The following NRXN3 variants were observed in gnomAD, a reference collection of about 807,000 sequenced individuals.
NRXN3 encodes the protein neurexin III.
A neutral mutation model predicts 137.6 loss-of-function variants in NRXN3; 32 were observed. The observed-to-expected ratio is 0.23, with a 90% CI of 0.18 to 0.31. The LOEUF is 0.31. Among genes scored for constraint, NRXN3 ranks in the 10% least tolerant of loss-of-function variants. The pLI is 1.00. For missense variants in NRXN3, 1,574 were observed against 2,062.5 expected (o/e 0.76, Z 4.59); for synonymous variants, 798 against 784.5 (o/e 1.02, Z -0.29).
At chr14:78,174,874 A>G (rs575610990) in intron 1 of NRXN3, among the ~76,000 whole-genome samples, 4 of 152,288 alleles carry the variant, frequency 2.6e-5, no homozygotes, top group Admixed American at 2.6e-4. Flanking sequence ...GGGCGGATAC[A>G]GATTGAAGGG....
chr14:79,243,030 CA>C (rs1238515774), intron 15 of NRXN3, among the ~76,000 whole-genome samples: 1 of 152,072 alleles, frequency 6.6e-6, no homozygotes, highest in African/African-American at 2.4e-5. Flanking sequence ...ACCATTTATT[CA>C]ATTGGCCTTT....
chr14:79,788,284 A>G (rs558645402), intron 19 of NRXN3, among the ~76,000 whole-genome samples: 1 of 152,290 alleles, frequency 6.6e-6, no homozygotes, highest in Non-Finnish European at 1.5e-5. Flanking sequence ...GATTATCGCA[A>G]TTCAAGGTGA....
At chr14:79,268,674 G>A (rs1450469274) in intron 15 of NRXN3, among the ~76,000 whole-genome samples, 4 of 152,180 alleles carry the variant, frequency 2.6e-5, no homozygotes, top group Non-Finnish European at 5.9e-5. Context: ...CAACAGAATA[G>A]TAATGCCATT....
At chr14:79,008,685 GT>G (rs1313156903) in intron 15 of NRXN3, among the ~76,000 whole-genome samples, 2 of 137,444 alleles carry the variant, frequency 1.5e-5, no homozygotes, top group Non-Finnish European at 3.0e-5. Flanking sequence ...TTTTGACAGA[GT>G]TTCGCTCTTT....
intron 6 of NRXN3, among the ~76,000 whole-genome samples, chr14:78,684,668 C>G (rs1300361633): frequency 1.3e-5 from 2 of 152,134 alleles, no homozygotes; most frequent in African/African-American, 2.4e-5. Context: ...GTGGAATACA[C>G]CTGTAGTCCC....
intron 4 of NRXN3, among the ~76,000 whole-genome samples, chr14:78,585,397 TG>T (rs1279625776): frequency 6.6e-6 from 1 of 151,982 alleles, no homozygotes; most frequent in Non-Finnish European, 1.5e-5. Flanking sequence ...GGCCAGAGAA[TG>T]GAAGGTTTGG....
intron 4 of NRXN3, among the ~76,000 whole-genome samples, chr14:78,429,246 T>TATATATATATATATA (rs59488018): frequency 3.1e-4 from 47 of 151,172 alleles, no homozygotes; most frequent in African/African-American, 1.1e-3. Flanking sequence ...ATATATATAT[T>TATATATATATATATA]TTTTGTATAT....
At chr14:78,703,795 C>G (rs1594928346) in intron 6 of NRXN3, 1 of 152,326 alleles carries the variant, frequency 6.6e-6, no homozygotes, top group East Asian at 1.9e-4. Flanking sequence ...AGTCACAAAC[C>G]TGTGAGTGAC....
intron 16 of NRXN3, among the ~76,000 whole-genome samples, chr14:79,530,558 C>A (rs1028238714): frequency 2.0e-5 from 3 of 150,098 alleles, no homozygotes; most frequent in African/African-American, 4.9e-5. Flanking sequence ...TTTCTCTGCT[C>A]TCTCTGTTTG....
chr14:79,333,202 GA>G lies in NRXN3; in HGVS notation c.3263-134009del, dbSNP rs879409245. ...ACTACTCATTTTGCAAAAGGGAAAA[GA>G]AAAAAAAAACACACTGGGGGGATAG... is the stretch of plus-strand genomic sequence containing the variant. On this transcript the variant is annotated intron_variant, in intron 15 of 20. Transcript: ENST00000335750. 7.7e-4 allele frequency among the ~76,000 whole-genome samples: 112 copies of G among 146,310 alleles called. 1 individual carries two copies. Among genetic ancestry groups the G allele is most frequent in the East Asian group, 5.6e-3 (28 of 4,960 alleles).
intron 15 of NRXN3, chr14:79,280,665 G>C: frequency 1.0e-6 from 1 of 997,048 alleles, no homozygotes; most frequent in Non-Finnish European, 1.5e-6. Flanking sequence ...GAAAAGCATC[G>C]TATGTCCATG....
intron 10 of NRXN3, among the ~76,000 whole-genome samples, chr14:78,925,318 C>T (rs1357329201): frequency 1.3e-5 from 2 of 152,040 alleles, no homozygotes; most frequent in African/African-American, 4.8e-5. Context: ...GTGCAGTGGG[C>T]CATGGAGAAC....
intron 2 of NRXN3, among the ~76,000 whole-genome samples, chr14:78,246,095 C>T (rs2067630873): frequency 6.6e-6 from 1 of 152,176 alleles, no homozygotes; most frequent in Non-Finnish European, 1.5e-5. Context: ...GGCATTCTTC[C>T]TTTCTAGGGA....
intron 19 of NRXN3, among the ~76,000 whole-genome samples, chr14:79,797,210 A>G (rs561674379): frequency 2.5e-4 from 38 of 152,312 alleles, no homozygotes; most frequent in African/African-American, 8.7e-4. Flanking sequence ...ACAGAATGCA[A>G]TATCTTTAGC....
At chr14:78,249,355 G>A (rs529260465) in intron 2 of NRXN3, among the ~76,000 whole-genome samples, 4 of 152,224 alleles carry the variant, frequency 2.6e-5, no homozygotes, top group Non-Finnish European at 4.4e-5. Flanking sequence ...AGATACCACA[G>A]GACCGATGCC....
chr14:78,767,539 T>C (rs2098712993), intron 8 of NRXN3, among the ~76,000 whole-genome samples: 1 of 152,178 alleles, frequency 6.6e-6, no homozygotes, highest in Non-Finnish European at 1.5e-5. Flanking sequence ...CTGGCATGTG[T>C]CGCAGAGCGC....
chr14:78,910,269 C>G (rs1452146991), intron 10 of NRXN3, among the ~76,000 whole-genome samples: 3 of 152,068 alleles, frequency 2.0e-5, no homozygotes, highest in Non-Finnish European at 4.4e-5. Context: ...CCACCTCTCA[C>G]TGGCAATGTA....
chr14:78,677,031 A>C (rs1315707071), intron 6 of NRXN3, among the ~76,000 whole-genome samples: 7 of 152,218 alleles, frequency 4.6e-5, no homozygotes, highest in Admixed American at 4.6e-4. Context: ...CAATGCACTT[A>C]GTTACCAAAG....
At chr14:78,843,038 A>G (rs2099016944) in intron 10 of NRXN3, among the ~76,000 whole-genome samples, 1 of 152,154 alleles carries the variant, frequency 6.6e-6, no homozygotes, top group Non-Finnish European at 1.5e-5. Context: ...CATCCTCCTC[A>G]GCTTATGAAG....
Sources: allele counts gnomAD v4.1 joint callset (sites outside exome capture counted in the v4.1 genomes callset), GRCh38; gene constraint gnomAD v4.1.1; transcripts MANE v1.5; gene names NCBI Gene and HGNC (gene_info 2026-07-23, HGNC 2026-07-21).